The following WDFY2 variants were observed in gnomAD, a reference collection of about 807,000 sequenced individuals.
WDFY2 encodes WD repeat and FYVE domain-containing protein 2.
Under a neutral mutation model 56.4 loss-of-function variants are expected in WDFY2, and 36 were observed. The ratio of observed to expected loss-of-function variants is 0.64; its 90% CI spans 0.49 to 0.84. WDFY2 has a LOEUF of 0.84. Among genes scored for constraint, WDFY2 ranks in the 40% least tolerant of loss-of-function variants. The pLI, the probability that WDFY2 is intolerant of heterozygous loss-of-function variation, is 0.00. For synonymous variants in WDFY2, 176 were observed against 183.7 expected, an observed-to-expected ratio of 0.96 and a Z score of 0.34; for missense variants, 444 against 512.2, an observed-to-expected ratio of 0.87 and a Z score of 1.29.
intron 5 of WDFY2, among the ~76,000 whole-genome samples, chr13:51,723,743 G>A (rs1952541569): frequency 1.3e-5 from 2 of 152,220 alleles, no homozygotes; most frequent in East Asian, 3.8e-4. Context: ...TTGATTGGCA[G>A]TTCGGGTGGT....
rs1341126431 is a variant in WDFY2 at position 51,767,533 on chromosome 13, T to G, written c.*7764T>G. 2.0e-5 allele frequency: 3 copies of G among 152,820 alleles called. No individual in the cohort carries two copies. Among genetic ancestry groups the G allele is most frequent in the Admixed American group, 6.5e-5 (1 of 15,352 alleles). The allele number at this position is 152,820 out of a possible 1,614,324, so 9.5% of individuals were successfully genotyped here. A position where few individuals can be genotyped will look rare whatever the true frequency, so the allele number is the denominator to read the frequency against. On this transcript the variant is annotated 3_prime_UTR_variant, in exon 12 of 12. Transcript: ENST00000298125. ...GACACCAAGAATGTATGTAGATGTA[T>G]TCTAAATCTGCTCATTGGTTTTATT...
rs556724688 is a variant in WDFY2, at chr13:51,671,196, C to T, written c.206-3974C>T. 1.5e-3 allele frequency among the ~76,000 whole-genome samples: 226 copies of T among 152,148 alleles called. 2 individuals are homozygous for T. Among genetic ancestry groups the T allele is most frequent in the African/African-American group, 5.3e-3 (219 of 41,500 alleles). The stretch of plus-strand genomic sequence containing the variant: ...AACATGCGTGTGTGAGTATGTTTTT[C>T]GTATAATGACTTCTTTTTGTCTGGG... On this transcript the variant is annotated intron_variant, in intron 2 of 11. Coordinates refer to ENST00000298125, the MANE Select transcript of WDFY2 (RefSeq NM_052950.4).
At chr13:51,747,010 C>T (rs1260285757) in intron 7 of WDFY2, among the ~76,000 whole-genome samples, 1 of 152,250 alleles carries the variant, frequency 6.6e-6, no homozygotes, top group African/African-American at 2.4e-5. Flanking sequence ...ATTATCTAAG[C>T]AATGTCAGCT....
rs946683086 is a variant in WDFY2 at position 51,669,060 on chromosome 13, A to G, written c.206-6110A>G. Among the ~76,000 whole-genome samples the G allele has an allele frequency of 2.6e-5, 4 of 152,330 alleles. No individual in the cohort carries two copies. The East Asian group carries it at 5.8e-4, about 22-fold the overall frequency. ...AAAATACCAATTTTGAGATAGAAGTATTAGAAATGCAAATAGTCACTTTCC... is the reference window on the plus strand; with the variant it reads ...AAAATACCAATTTTGAGATAGAAGTGTTAGAAATGCAAATAGTCACTTTCC... On this transcript the variant is annotated intron_variant, in intron 2 of 11. Coordinates refer to ENST00000298125, the MANE Select transcript of WDFY2 (RefSeq NM_052950.4).
chr13:51,759,107 G>T (rs760521990), intron 11 of WDFY2, among the ~76,000 whole-genome samples: 1 of 152,208 alleles, frequency 6.6e-6, no homozygotes. Flanking sequence ...CTTGAGCCCA[G>T]TAAGTCGAGG....
intron 4 of WDFY2, among the ~76,000 whole-genome samples, chr13:51,704,079 GACA>G (rs1952038177): frequency 6.6e-6 from 1 of 152,178 alleles, no homozygotes; most frequent in Non-Finnish European, 1.5e-5. Flanking sequence ...CAGGCCATCT[GACA>G]ACAATTTTTG....
chr13:51,686,559 G>T, intron 3 of WDFY2, among the ~76,000 whole-genome samples: 1 of 151,848 alleles, frequency 6.6e-6, no homozygotes, highest in Non-Finnish European at 1.5e-5. Flanking sequence ...AAAAAGATTG[G>T]GTTTTACATG....
intron 1 of WDFY2, among the ~76,000 whole-genome samples, chr13:51,649,003 C>T (rs1371258075): frequency 3.9e-5 from 6 of 152,054 alleles, no homozygotes; most frequent in Admixed American, 1.3e-4. Context: ...AAAGATTACC[C>T]GAGTGTGGTG....
intron 4 of WDFY2, among the ~76,000 whole-genome samples, chr13:51,713,794 C>CTGAG (rs1412581104): frequency 7.0e-6 from 1 of 142,870 alleles, no homozygotes; most frequent in African/African-American, 2.6e-5. Flanking sequence ...TTGCAGTGAG[C>CTGAG]TGAGATTGCA....
At chr13:51,744,224 A>T (rs1953042473) in intron 7 of WDFY2, among the ~76,000 whole-genome samples, 1 of 152,238 alleles carries the variant, frequency 6.6e-6, no homozygotes, top group South Asian at 2.1e-4. Context: ...AATTAATTAG[A>T]TGCCCACTAA....
intron 7 of WDFY2, among the ~76,000 whole-genome samples, chr13:51,747,896 C>T (rs1393142418): frequency 6.6e-6 from 1 of 152,184 alleles, no homozygotes; most frequent in East Asian, 1.9e-4. Context: ...TCTGGGAAAT[C>T]TTAGGCATAA....
chr13:51,666,100 C>T (rs1401430579), intron 2 of WDFY2, among the ~76,000 whole-genome samples: 3 of 152,118 alleles, frequency 2.0e-5, no homozygotes, highest in East Asian at 1.9e-4. Context: ...CTCTCTGAAA[C>T]GTGATTTTGA....
intron 2 of WDFY2, among the ~76,000 whole-genome samples, chr13:51,668,081 C>T (rs557713244): frequency 4.6e-5 from 7 of 151,572 alleles, no homozygotes; most frequent in Non-Finnish European, 7.4e-5. Flanking sequence ...TTAGTAGAGA[C>T]GGGGTTTCAC....
chr13:51,602,223 G>C (rs1394087141), intron 1 of WDFY2, among the ~76,000 whole-genome samples: 1 of 152,206 alleles, frequency 6.6e-6, no homozygotes, highest in Non-Finnish European at 1.5e-5. Flanking sequence ...TTATAATGGA[G>C]CTGAAAAATT....
chr13:51,685,109 C>T (rs1485010017), intron 3 of WDFY2, among the ~76,000 whole-genome samples: 2 of 152,144 alleles, frequency 1.3e-5, no homozygotes, highest in East Asian at 1.9e-4. Flanking sequence ...CTTCACTGAC[C>T]TCCTGCCGCC....
intron 1 of WDFY2, among the ~76,000 whole-genome samples, chr13:51,633,569 T>G (rs1954993901): frequency 6.6e-6 from 1 of 152,230 alleles, no homozygotes; most frequent in Non-Finnish European, 1.5e-5. Context: ...TGCTGTTTGC[T>G]AAATTATTCC....
intron 8 of WDFY2, among the ~76,000 whole-genome samples, chr13:51,753,347 T>C (rs1953280218): frequency 6.6e-6 from 1 of 152,248 alleles, no homozygotes; most frequent in Non-Finnish European, 1.5e-5. Flanking sequence ...TGGCTGGATG[T>C]AGATCGAGTG....
chr13:51,677,297 G>T (rs1184745560), intron 3 of WDFY2, among the ~76,000 whole-genome samples: 1 of 152,104 alleles, frequency 6.6e-6, no homozygotes, highest in African/African-American at 2.4e-5. Context: ...TACCTCCTTT[G>T]TATTGTTGAG....
At chr13:51,670,943 TC>T (rs1955796825) in intron 2 of WDFY2, among the ~76,000 whole-genome samples, 1 of 152,188 alleles carries the variant, frequency 6.6e-6, no homozygotes, top group Non-Finnish European at 1.5e-5. Flanking sequence ...ATAGCTTAGC[TC>T]CCACTTATGA....
Sources: allele counts gnomAD v4.1 joint callset (sites outside exome capture counted in the v4.1 genomes callset), GRCh38; gene constraint gnomAD v4.1.1; transcripts MANE v1.5; gene names NCBI Gene and HGNC (gene_info 2026-07-23, HGNC 2026-07-21).